The following MACROD2 variants were observed in gnomAD, a reference collection of about 807,000 sequenced individuals.
MACROD2 encodes the protein mono-ADP ribosylhydrolase 2.
In MACROD2, 36 loss-of-function variants were observed where a neutral mutation model predicts 70.4. That is an observed-to-expected ratio of 0.51 (90% confidence interval 0.39 to 0.68). MACROD2 has a LOEUF of 0.68. Ranked by LOEUF, MACROD2 falls within the 30% of genes least tolerant of loss-of-function variation. The pLI, the probability that MACROD2 is intolerant of heterozygous loss-of-function variation, is 0.00. For synonymous variants in MACROD2, 172 were observed against 178.8 expected (o/e 0.96, Z 0.30); for missense variants, 496 against 538.4 (o/e 0.92, Z 0.78).
At chr20:14,990,987 T>A (rs2074898649) in intron 5 of MACROD2, among the ~76,000 whole-genome samples, 1 of 152,182 alleles carries the variant, frequency 6.6e-6, no homozygotes, top group Admixed American at 6.5e-5. Context: ...AGGGGCAGAA[T>A]TCTGTGTCTT....
intron 8 of MACROD2, among the ~76,000 whole-genome samples, chr20:15,748,566 A>T (rs1291885262): frequency 6.6e-6 from 1 of 152,078 alleles, no homozygotes; most frequent in Non-Finnish European, 1.5e-5. Flanking sequence ...TAAGACTCCC[A>T]CCTTGGGTAG....
At chr20:15,277,324 C>T (rs973118839) in intron 6 of MACROD2, among the ~76,000 whole-genome samples, 6 of 152,128 alleles carry the variant, frequency 3.9e-5, no homozygotes, top group African/African-American at 1.2e-4. Flanking sequence ...GATCAAAAGC[C>T]GACCTGCCTG....
intron 8 of MACROD2, among the ~76,000 whole-genome samples, chr20:15,502,877 G>A (rs2146496682): frequency 6.6e-6 from 1 of 152,238 alleles, no homozygotes; most frequent in Non-Finnish European, 1.5e-5. Context: ...ACAAATCCGG[G>A]CTGACAGATA....
At chr20:14,006,160 G>A (rs1274490212) in intron 2 of MACROD2, among the ~76,000 whole-genome samples, 1 of 152,194 alleles carries the variant, frequency 6.6e-6, no homozygotes, top group Admixed American at 6.5e-5. Context: ...GCAATTGGCT[G>A]TACCATATAA....
intron 3 of MACROD2, among the ~76,000 whole-genome samples, chr20:14,410,217 CT>C (rs11469280): frequency 0.51 from 68,650 of 134,084 alleles, 16,575 homozygotes; most frequent in South Asian, 0.65. Flanking sequence ...GTTTGCATTT[CT>C]TTTTTTTTTT....
At chr20:14,756,897 A>C (rs192787004) in intron 5 of MACROD2, among the ~76,000 whole-genome samples, 1 of 152,108 alleles carries the variant, frequency 6.6e-6, no homozygotes, top group East Asian at 1.9e-4. Flanking sequence ...ACGGTCTTAT[A>C]AGGGGCTTCC....
intron 5 of MACROD2, chr20:15,021,708 A>C (rs905489414): frequency 5.3e-5 from 8 of 152,192 alleles, no homozygotes; most frequent in Middle Eastern, 3.4e-3. Context: ...GCAGGGAAAG[A>C]GATGGCTGGG....
intron 5 of MACROD2, among the ~76,000 whole-genome samples, chr20:15,149,654 T>A (rs1332906143): frequency 1.3e-5 from 2 of 151,944 alleles, no homozygotes; most frequent in African/African-American, 2.4e-5. Context: ...TGAGCGTAGT[T>A]TGTGATTTTA....
chr20:14,493,006 ATTAT>A (rs2084811899), intron 3 of MACROD2, among the ~76,000 whole-genome samples: 1 of 152,088 alleles, frequency 6.6e-6, no homozygotes, highest in East Asian at 1.9e-4. Flanking sequence ...ATACATTGTT[ATTAT>A]TTAAGAGTTA....
At chr20:14,704,743 G>A (rs962814615) in intron 5 of MACROD2, among the ~76,000 whole-genome samples, 2 of 152,132 alleles carry the variant, frequency 1.3e-5, no homozygotes, top group Non-Finnish European at 2.9e-5. Flanking sequence ...TCATGGAGCT[G>A]CACCAGACTC....
At chr20:15,529,102 T>C (rs750904664) in intron 8 of MACROD2, among the ~76,000 whole-genome samples, 7 of 152,290 alleles carry the variant, frequency 4.6e-5, no homozygotes, top group Non-Finnish European at 1.0e-4. Context: ...TCCACGTGAT[T>C]GATCAGATTC....
At chr20:14,043,917 A>G (rs947568978) in intron 2 of MACROD2, among the ~76,000 whole-genome samples, 1 of 152,220 alleles carries the variant, frequency 6.6e-6, no homozygotes, top group Non-Finnish European at 1.5e-5. Flanking sequence ...AACCTGTGTC[A>G]TCTATCTTTC....
At chr20:15,618,195 A>C (rs1311774757) in intron 8 of MACROD2, among the ~76,000 whole-genome samples, 2 of 149,120 alleles carry the variant, frequency 1.3e-5, no homozygotes, top group Non-Finnish European at 3.0e-5. Flanking sequence ...TTTCCCCACA[A>C]CTCACTGCCC....
chr20:15,845,992 G>A (rs2064226712), intron 8 of MACROD2, among the ~76,000 whole-genome samples: 1 of 152,128 alleles, frequency 6.6e-6, no homozygotes, highest in Admixed American at 6.5e-5. Flanking sequence ...GTCTAAAACA[G>A]GTTTTCCACG....
intron 8 of MACROD2, among the ~76,000 whole-genome samples, chr20:15,808,422 A>T (rs1272182893): frequency 6.6e-6 from 1 of 152,226 alleles, no homozygotes; most frequent in Non-Finnish European, 1.5e-5. Context: ...CCAGCTACTT[A>T]GAAATGTTAG....
chr20:15,994,540 A>G (rs1464484113), intron 15 of MACROD2, among the ~76,000 whole-genome samples: 2 of 152,190 alleles, frequency 1.3e-5, no homozygotes. Context: ...CTTCTAAATC[A>G]CTTTCAGTCA....
chr20:15,704,508 T>A (rs1176972523), intron 8 of MACROD2, among the ~76,000 whole-genome samples: 2 of 152,228 alleles, frequency 1.3e-5, no homozygotes, highest in Non-Finnish European at 2.9e-5. Flanking sequence ...ATTTGATAGA[T>A]GTTAGAGATC....
At chr20:15,550,920 AG>A (rs1488136934) in intron 8 of MACROD2, among the ~76,000 whole-genome samples, 2 of 152,218 alleles carry the variant, frequency 1.3e-5, no homozygotes, top group African/African-American at 4.8e-5. Flanking sequence ...CTTGATTTCA[AG>A]GTATCTCAAT....
At chr20:14,826,569 A>G (rs117411011) in intron 5 of MACROD2, among the ~76,000 whole-genome samples, 2,733 of 152,220 alleles carry the variant, frequency 0.018, 61 homozygotes, top group South Asian at 0.075. Flanking sequence ...TCGTGTATCT[A>G]TTGAGTTGCA....
Sources: gnomAD v4.1 joint callset for allele counts (sites outside exome capture counted in the v4.1 genomes callset) on GRCh38, gnomAD v4.1.1 for gene constraint, MANE v1.5 for transcripts, NCBI Gene and HGNC (gene_info 2026-07-23, HGNC 2026-07-21) for gene names.